TOX: variants seen among roughly 807,000 people sequenced by gnomAD.
TOX encodes thymocyte selection-associated high mobility group box protein TOX.
TOX carries 11 observed loss-of-function variants against 53.7 expected under a neutral mutation model. The observed-to-expected ratio is 0.20, with a 90% confidence interval of 0.13 to 0.34. The LOEUF is 0.34. Ranked by LOEUF, TOX falls within the 10% of genes least tolerant of loss-of-function variation. The pLI is 1.00. For missense variants in TOX, 570 were observed against 664.6 expected, an observed-to-expected ratio of 0.86 and a Z score of 1.56; for synonymous variants, 225 against 245.3, an observed-to-expected ratio of 0.92 and a Z score of 0.77.
chr8:59,087,890 T>C (rs543229679), intron 1 of TOX, among the ~76,000 whole-genome samples: 239 of 152,300 alleles, frequency 1.6e-3, no homozygotes, highest in African/African-American at 5.5e-3. Flanking sequence ...GGTGGAGTGC[T>C]CACCTACCAG....
At chr8:59,098,438 T>C (rs62759460) in intron 1 of TOX, among the ~76,000 whole-genome samples, 2 of 151,922 alleles carry the variant, frequency 1.3e-5, no homozygotes, top group African/African-American at 2.4e-5. Context: ...TTTTTTTTTT[T>C]CCAAACCAAA....
intron 1 of TOX, among the ~76,000 whole-genome samples, chr8:59,037,607 G>T (rs1803492406): frequency 6.6e-6 from 1 of 151,966 alleles, no homozygotes. Context: ...TCTGAAACCA[G>T]CCTGGCCAAC....
At chr8:58,970,341 C>T (rs182414441) in intron 1 of TOX, among the ~76,000 whole-genome samples, 1 of 152,252 alleles carries the variant, frequency 6.6e-6, no homozygotes, top group African/African-American at 2.4e-5. Flanking sequence ...TATGCTTACC[C>T]ATCATCTCAT....
intron 1 of TOX, among the ~76,000 whole-genome samples, chr8:59,079,148 C>T (rs1308345258): frequency 6.6e-6 from 1 of 152,096 alleles, no homozygotes; most frequent in Non-Finnish European, 1.5e-5. Context: ...AAAGTTGGAA[C>T]TTATATTTAA....
rs895773583 is a variant in TOX at position 58,851,128 on chromosome 8, A to G, written c.693+396T>C. Among the ~76,000 whole-genome samples the G allele has an allele frequency of 1.3e-5, 2 of 150,872 alleles. No individual in the cohort carries two copies. Among genetic ancestry groups the G allele is most frequent in the African/African-American group, 4.9e-5 (2 of 41,044 alleles). ...GGTGGCCACAAAGGTTTCATGTAAC[A>G]TCATCACCATACATCTCCTCTCTCT... On this transcript the variant is annotated intron_variant, in intron 4 of 8. Transcript: ENST00000361421. The surrounding 1 kb of genome is among the most constrained non-coding windows in gnomAD (Gnocchi z 4.4).
intron 5 of TOX, among the ~76,000 whole-genome samples, chr8:58,836,209 G>T (rs1432385009): frequency 1.3e-5 from 2 of 152,166 alleles, no homozygotes; most frequent in African/African-American, 4.8e-5. Flanking sequence ...AGGGGGTTGG[G>T]ATTGCTGGTT....
At chr8:58,885,373 A>T (rs953423371) in intron 3 of TOX, among the ~76,000 whole-genome samples, 22 of 151,982 alleles carry the variant, frequency 1.4e-4, no homozygotes, top group African/African-American at 4.8e-4. Flanking sequence ...TGGCTGAAAA[A>T]CTGAGAGGTG....
At chr8:59,017,321 T>G (rs912772369) in intron 1 of TOX, among the ~76,000 whole-genome samples, 3 of 152,244 alleles carry the variant, frequency 2.0e-5, no homozygotes, top group African/African-American at 7.2e-5. Context: ...TGATTTCTTT[T>G]TCTTTATTTT....
intron 2 of TOX, among the ~76,000 whole-genome samples, chr8:58,950,148 A>C (rs1251564995): frequency 3.1e-5 from 3 of 95,992 alleles, no homozygotes; most frequent in East Asian, 6.7e-4. Flanking sequence ...GTAATATACA[A>C]TTACATGTGT....
At chr8:58,881,431 C>T (rs895405566) in intron 3 of TOX, among the ~76,000 whole-genome samples, 2 of 151,908 alleles carry the variant, frequency 1.3e-5, no homozygotes, top group Admixed American at 6.6e-5. Flanking sequence ...ACCATTAAGA[C>T]GTAGAGAGTA....
chr8:59,004,257 T>C (rs1023121190), intron 1 of TOX, among the ~76,000 whole-genome samples: 3 of 152,234 alleles, frequency 2.0e-5, no homozygotes, highest in African/African-American at 7.2e-5. Context: ...CACTTTTCTA[T>C]TGCAGTATTC....
intron 1 of TOX, among the ~76,000 whole-genome samples, chr8:59,049,916 A>G (rs1803758322): frequency 6.6e-6 from 1 of 152,124 alleles, no homozygotes; most frequent in South Asian, 2.1e-4. Flanking sequence ...GGGTTTCTAT[A>G]CTAAGCAGGC....
chr8:58,945,164 A>G (rs1201165122), intron 2 of TOX, among the ~76,000 whole-genome samples: 2 of 152,216 alleles, frequency 1.3e-5, no homozygotes, highest in Non-Finnish European at 2.9e-5. Context: ...TGGTTCTCAC[A>G]GTTCAACTCC....
At chr8:58,808,043 G>C in intron 8 of TOX, 75 bp downstream of exon 8, 1 of 1,531,500 alleles carries the variant, frequency 6.5e-7, no homozygotes, top group Non-Finnish European at 8.8e-7. Flanking sequence ...TTGGAAACAA[G>C]AGAACGATCA....
chr8:58,914,944 C>T (rs1388588881), intron 3 of TOX, among the ~76,000 whole-genome samples: 1 of 151,976 alleles, frequency 6.6e-6, no homozygotes, highest in South Asian at 2.1e-4. Context: ...GGGTGATGGA[C>T]GCACCTGGAA....
At chr8:58,928,182 C>G (rs1279615568) in intron 3 of TOX, among the ~76,000 whole-genome samples, 1 of 152,250 alleles carries the variant, frequency 6.6e-6, no homozygotes, top group East Asian at 1.9e-4. Context: ...CTAGAAATGT[C>G]TGATTTATGC....
intron 7 of TOX, among the ~76,000 whole-genome samples, chr8:58,811,368 G>GAAAAAT (rs1810072145): frequency 6.6e-6 from 1 of 152,152 alleles, no homozygotes; most frequent in Non-Finnish European, 1.5e-5. Context: ...ATAAAAATAG[G>GAAAAAT]AAACATGATA....
intron 1 of TOX, among the ~76,000 whole-genome samples, chr8:59,113,242 G>A (rs2129425087): frequency 6.6e-6 from 1 of 152,278 alleles, no homozygotes; most frequent in Admixed American, 6.5e-5. Flanking sequence ...ACTGAGGAAG[G>A]ATGTTTAAGG....
intron 1 of TOX, among the ~76,000 whole-genome samples, chr8:59,004,098 T>G (rs766273546): frequency 3.9e-5 from 6 of 152,184 alleles, no homozygotes; most frequent in Non-Finnish European, 8.8e-5. Flanking sequence ...TTCAAATACA[T>G]GAAATGTGAC....
Sources: allele counts gnomAD v4.1 joint callset (sites outside exome capture counted in the v4.1 genomes callset), GRCh38; gene constraint gnomAD v4.1.1; non-coding constraint Gnocchi (gnomAD v3.1); transcripts MANE v1.5; gene names NCBI Gene and HGNC (gene_info 2026-07-23, HGNC 2026-07-21).